The following PITPNB variants were observed in gnomAD, a reference collection of about 807,000 sequenced individuals.
The protein encoded by PITPNB is phosphatidylinositol transfer protein beta, also known as phosphatidylinositol transfer protein beta isoform.
Under a neutral mutation model 45.9 loss-of-function variants are expected in PITPNB, and 16 were observed. The observed-to-expected ratio is 0.35, with a 90% CI of 0.24 to 0.53. The LOEUF is 0.53. PITPNB is among the 20% of genes least tolerant of loss of function. The pLI is 0.93. For synonymous variants in PITPNB, 112 were observed against 108.9 expected (o/e 1.03, Z -0.18); for missense variants, 188 against 330.5 (o/e 0.57, Z 3.34).
chr22:27,859,173 G>C (rs903166582), intron 9 of PITPNB, among the ~76,000 whole-genome samples: 35 of 152,174 alleles, frequency 2.3e-4, no homozygotes, highest in Admixed American at 7.9e-4. Context: ...TCCATGAATA[G>C]AAAGGACTTT....
intron 7 of PITPNB, among the ~76,000 whole-genome samples, chr22:27,886,085 G>C (rs536922892): frequency 2.6e-5 from 4 of 152,336 alleles, no homozygotes; most frequent in South Asian, 4.1e-4. Context: ...TGACCACTGG[G>C]ATGACCAGCA....
intron 8 of PITPNB, among the ~76,000 whole-genome samples, chr22:27,869,980 T>C (rs969418394): frequency 2.6e-5 from 4 of 152,170 alleles, no homozygotes; most frequent in Non-Finnish European, 4.4e-5. Flanking sequence ...AATTATCAAA[T>C]TCTGGCAAAT....
At chr22:27,853,709 G>C in intron 11 of PITPNB, 46 bp from the exon 12 acceptor site, 1 of 1,376,982 alleles carries the variant, frequency 7.3e-7, no homozygotes, top group Non-Finnish European at 1.0e-6. Context: ...AAAATACAGA[G>C]ACAGGAAATG....
intron 3 of PITPNB, among the ~76,000 whole-genome samples, chr22:27,908,679 G>A (rs1315741092): frequency 6.6e-6 from 1 of 151,922 alleles, no homozygotes; most frequent in Non-Finnish European, 1.5e-5. Flanking sequence ...AGAAAGCTGA[G>A]TATATATAAG....
intron 3 of PITPNB, among the ~76,000 whole-genome samples, chr22:27,907,977 G>A (rs1219586318): frequency 6.7e-6 from 1 of 149,424 alleles, no homozygotes; most frequent in East Asian, 2.0e-4. Flanking sequence ...TGTGCTGGAA[G>A]GTTGGCCACC....
In PITPNB at chr22:27,907,892, T is replaced by C. The variant is rs1238533853; in HGVS notation, c.197+3072A>G. 2.6e-5 allele frequency among the ~76,000 whole-genome samples: 4 copies of C among 151,910 alleles called. No homozygotes were observed. The South Asian group carries it at 8.3e-4, about 32-fold the overall frequency. On this transcript the variant is annotated intron_variant, in intron 3 of 11. Transcript: ENST00000335272. Reference sequence around the variant, plus strand: ...TCTCAGGATTGCAATGACAAGTAAATGAGTGCATGAGAGGGTAAAACCACA... The same window carrying C: ...TCTCAGGATTGCAATGACAAGTAAACGAGTGCATGAGAGGGTAAAACCACA...
chr22:27,896,707 A>C, intron 5 of PITPNB, 81 bp from the exon 6 acceptor site: 1 of 841,278 alleles, frequency 1.2e-6, no homozygotes, highest in Non-Finnish European at 2.0e-6. Flanking sequence ...TTTTCCCAGT[A>C]TAGGCATCCA....
chr22:27,891,284 T>G (rs888318258), intron 7 of PITPNB, among the ~76,000 whole-genome samples: 4 of 152,210 alleles, frequency 2.6e-5, no homozygotes, highest in Non-Finnish European at 5.9e-5. Flanking sequence ...TTCAATAAAC[T>G]TTAAAATAAA....
At chr22:27,911,833 T>C (rs1935932794) in intron 2 of PITPNB, among the ~76,000 whole-genome samples, 1 of 152,206 alleles carries the variant, frequency 6.6e-6, no homozygotes, top group South Asian at 2.1e-4. Flanking sequence ...CCATAAAAGG[T>C]AGGAAATTGC....
intron 2 of PITPNB, among the ~76,000 whole-genome samples, chr22:27,911,969 T>G (rs1935939829): frequency 1.3e-5 from 2 of 152,194 alleles, no homozygotes; most frequent in African/African-American, 4.8e-5. Flanking sequence ...TTGGAAAAAG[T>G]TCTCGTGTTC....
At chr22:27,878,865 T>TACTGAATGTAC (rs1290982275) in intron 7 of PITPNB, among the ~76,000 whole-genome samples, 3 of 152,224 alleles carry the variant, frequency 2.0e-5, no homozygotes, top group Non-Finnish European at 4.4e-5. Context: ...TAGTTTCTGT[T>TACTGAATGTAC]ACTGAATGTA....
At chr22:27,903,615 C>T (rs1601422244) in intron 3 of PITPNB, among the ~76,000 whole-genome samples, 1 of 142,650 alleles carries the variant, frequency 7.0e-6, no homozygotes, top group Admixed American at 7.0e-5. Context: ...CCCACCTCTA[C>T]AAAAAAAAAA....
At chr22:27,862,187 A>G (rs1934358482) in intron 8 of PITPNB, among the ~76,000 whole-genome samples, 2 of 152,204 alleles carry the variant, frequency 1.3e-5, no homozygotes, top group South Asian at 4.1e-4. Context: ...GCGTGTGAGC[A>G]AAGATTCTCA....
At chr22:27,870,734 T>C (rs1356646600) in intron 8 of PITPNB, among the ~76,000 whole-genome samples, 3 of 152,250 alleles carry the variant, frequency 2.0e-5, no homozygotes, top group Non-Finnish European at 2.9e-5. Context: ...GAGGGCCTGC[T>C]GAACATGTTT....
intron 6 of PITPNB, 133 bp from the exon 7 acceptor site, chr22:27,894,771 T>A: frequency 2.0e-6 from 1 of 493,066 alleles, no homozygotes; most frequent in Non-Finnish European, 3.6e-6. Context: ...TATTTCATTA[T>A]ATTAGCTGTC....
At chr22:27,895,132 C>A (rs529089834) in intron 6 of PITPNB, among the ~76,000 whole-genome samples, 2 of 152,292 alleles carry the variant, frequency 1.3e-5, no homozygotes, top group East Asian at 3.9e-4. Flanking sequence ...GCATGTTGAT[C>A]AATCATTTAT....
intron 7 of PITPNB, among the ~76,000 whole-genome samples, chr22:27,876,559 GT>G (rs1934825560): frequency 1.3e-5 from 2 of 152,206 alleles, no homozygotes; most frequent in Non-Finnish European, 2.9e-5. Flanking sequence ...GCTGAATTAA[GT>G]TGCAAGATAT....
intron 7 of PITPNB, among the ~76,000 whole-genome samples, chr22:27,893,457 G>C (rs1007561876): frequency 6.6e-6 from 1 of 151,044 alleles, no homozygotes; most frequent in Non-Finnish European, 1.5e-5. Context: ...CTAATTTTTT[G>C]TATTTTTAGT....
At chr22:27,856,563 G>C (rs200505470) in intron 10 of PITPNB, among the ~76,000 whole-genome samples, 3,559 of 152,324 alleles carry the variant, frequency 0.023, 95 homozygotes, top group South Asian at 0.12. Flanking sequence ...GTAGGGTTTA[G>C]AGTCCAAACC....
Sources: gnomAD v4.1 joint callset for allele counts (sites outside exome capture counted in the v4.1 genomes callset) on GRCh38, gnomAD v4.1.1 for gene constraint, MANE v1.5 for transcripts, NCBI Gene and HGNC (gene_info 2026-07-23, HGNC 2026-07-21) for gene names.